Variants in TRIO observed in about 807,000 individuals in gnomAD.
TRIO encodes trio Rho guanine nucleotide exchange factor, also known as triple functional domain protein.
Under a neutral mutation model 351.9 loss-of-function variants are expected in TRIO, and 58 were observed. The ratio of observed to expected loss-of-function variants is 0.16; its 90% CI spans 0.13 to 0.21. The LOEUF (loss-of-function observed/expected upper bound fraction) is 0.21, where lower values mean the gene tolerates loss of function less well. TRIO is among the 10% of genes least tolerant of loss of function. The pLI is 1.00. For synonymous variants in TRIO, 1,758 were observed against 1,595.7 expected (o/e 1.10, Z -2.42); for missense variants, 3,201 against 4,027.8 (o/e 0.79, Z 5.56).
intron 1 of TRIO, among the ~76,000 whole-genome samples, chr5:14,150,951 C>A (rs771884146): frequency 1.3e-5 from 2 of 152,106 alleles, no homozygotes; most frequent in Admixed American, 6.6e-5. Flanking sequence ...ATCTGACTTA[C>A]AATAATCTTT....
intron 34 of TRIO, among the ~76,000 whole-genome samples, chr5:14,450,461 G>T (rs1561504791): frequency 6.6e-6 from 1 of 152,084 alleles, no homozygotes; most frequent in Non-Finnish European, 1.5e-5. Flanking sequence ...TTCTCAGGCG[G>T]CAAAGACCAT....
At chr5:14,372,420 C>G (rs547943635) in intron 18 of TRIO, among the ~76,000 whole-genome samples, 1 of 152,150 alleles carries the variant, frequency 6.6e-6, no homozygotes, top group Non-Finnish European at 1.5e-5. Flanking sequence ...CAGTGCAGTT[C>G]ATCCCTCTGT....
At chr5:14,475,833 G>GT (rs1755034704) in intron 40 of TRIO, among the ~76,000 whole-genome samples, 1 of 96,334 alleles carries the variant, frequency 1.0e-5, no homozygotes, top group Non-Finnish European at 2.5e-5. Context: ...TGTCTGCGCA[G>GT]CGGGGATAGT....
Position 14,487,941 on chromosome 5 carries a change from G to A in TRIO, c.7313G>A (p.Arg2438His), listed in dbSNP as rs1393257693. ...CCAGACGCCCCCGCCAAGGACGCGCGCGCTAGCCTGGGCACCCTGCCGCTT... is the reference window on the plus strand; with the variant it reads ...CCAGACGCCCCCGCCAAGGACGCGCACGCTAGCCTGGGCACCCTGCCGCTT... ...SSPDAPAKDA[R>H]ASLGTLPLGK... Residue 2438 changes from arginine to histidine, a missense_variant, in exon 48 of 57, where the codon CGC (arginine) becomes CAC (histidine). This residue lies in a region of TRIO where 1,089 missense variants were observed against 954.9 expected (regional missense o/e 1.14). Coordinates refer to ENST00000344204, the MANE Select transcript of TRIO (RefSeq NM_007118.4). 6 of 1,545,448 alleles carry A rather than the reference G, an allele frequency of 3.9e-6. No individual in the cohort carries two copies. Among genetic ancestry groups the A allele is most frequent in the East Asian group, 2.4e-5 (1 of 40,934 alleles).
chr5:14,307,492 C>T (rs1738480093), intron 8 of TRIO, among the ~76,000 whole-genome samples: 1 of 152,202 alleles, frequency 6.6e-6, no homozygotes, highest in African/African-American at 2.4e-5. Flanking sequence ...TCTGGTTGCC[C>T]CCAGTTCTCG....
chr5:14,220,018 G>A (rs1484348061), intron 1 of TRIO, among the ~76,000 whole-genome samples: 8 of 145,792 alleles, frequency 5.5e-5, no homozygotes, highest in Middle Eastern at 3.8e-3. Context: ...CAGATACTGC[G>A]GGGTTTTTTT....
At chr5:14,311,385 G>A (rs1474460777) in intron 8 of TRIO, among the ~76,000 whole-genome samples, 1 of 152,188 alleles carries the variant, frequency 6.6e-6, no homozygotes, top group Admixed American at 6.5e-5. Context: ...ATCATCATTT[G>A]GAGGTCCATC....
chr5:14,480,143 T>A, intron 43 of TRIO, 132 bp downstream of exon 43: 1 of 794,120 alleles, frequency 1.3e-6, no homozygotes, highest in Non-Finnish European at 2.0e-6. Context: ...TCTGATAAGT[T>A]AAACCTTAAA....
intron 1 of TRIO, among the ~76,000 whole-genome samples, chr5:14,159,304 T>C (rs1467448645): frequency 7.1e-6 from 1 of 140,494 alleles, no homozygotes; most frequent in Non-Finnish European, 1.5e-5. Flanking sequence ...TGGGTTAACT[T>C]TTCAGGAAAT....
intron 49 of TRIO, among the ~76,000 whole-genome samples, chr5:14,495,495 G>A (rs1000089029): frequency 2.0e-5 from 3 of 151,878 alleles, no homozygotes; most frequent in African/African-American, 7.3e-5. Context: ...AAGGGGAGTG[G>A]TGGCAAATTT....
At chr5:14,180,375 G>A (rs1420801750) in intron 1 of TRIO, among the ~76,000 whole-genome samples, 1 of 152,174 alleles carries the variant, frequency 6.6e-6, no homozygotes, top group Non-Finnish European at 1.5e-5. Context: ...ATAAAACTAT[G>A]CTGAGACTTA....
intron 1 of TRIO, among the ~76,000 whole-genome samples, chr5:14,148,269 T>C (rs567653747): frequency 6.6e-6 from 1 of 152,374 alleles, no homozygotes; most frequent in East Asian, 1.9e-4. Flanking sequence ...ATATGTAATT[T>C]CAGTGGCCTT....
At chr5:14,195,398 G>C (rs922148263) in intron 1 of TRIO, among the ~76,000 whole-genome samples, 1 of 152,166 alleles carries the variant, frequency 6.6e-6, no homozygotes, top group Non-Finnish European at 1.5e-5. Flanking sequence ...GTCAGGCAAG[G>C]TGTTGATATG....
chr5:14,472,789 C>G (rs754211963), intron 39 of TRIO, 131 bp downstream of exon 39: 1 of 959,092 alleles, frequency 1.0e-6, no homozygotes, highest in Non-Finnish European at 1.5e-6. Context: ...AAGTGACCAA[C>G]GATGTATTTC....
At chr5:14,480,064 A>G (rs1481018303) in intron 43 of TRIO, 53 bp downstream of exon 43, 2 of 1,550,474 alleles carry the variant, frequency 1.3e-6, no homozygotes, top group African/African-American at 1.4e-5. Context: ...TGCTGAGAAA[A>G]TAAGACTCAG....
chr5:14,289,604 T>G (rs2152283877), intron 4 of TRIO, among the ~76,000 whole-genome samples: 1 of 152,150 alleles, frequency 6.6e-6, no homozygotes, highest in East Asian at 1.9e-4. Context: ...TCCCAGCACT[T>G]TGGGAGGCTG....
intron 1 of TRIO, among the ~76,000 whole-genome samples, chr5:14,211,787 AAAGTATAAAGAGAAAT>A (rs1791917052): frequency 6.6e-6 from 1 of 151,982 alleles, no homozygotes; most frequent in Non-Finnish European, 1.5e-5. Flanking sequence ...AATGAAATAA[AAAGTATAAAGAGAAAT>A]ATAGTAGATT....
intron 1 of TRIO, among the ~76,000 whole-genome samples, chr5:14,167,809 T>A (rs1488594595): frequency 2.0e-5 from 3 of 152,224 alleles, no homozygotes; most frequent in Admixed American, 2.0e-4. Context: ...CTGGCAGCAT[T>A]CACTAGTCCC....
intron 1 of TRIO, among the ~76,000 whole-genome samples, chr5:14,226,432 T>G (rs1793037285): frequency 6.6e-6 from 1 of 152,174 alleles, no homozygotes. Flanking sequence ...TGAACAAGAC[T>G]TACCCTGAGA....
Sources: gnomAD v4.1 joint callset for allele counts (sites outside exome capture counted in the v4.1 genomes callset) on GRCh38, gnomAD v4.1.1 for gene constraint, gnomAD v4.1.1 regional missense constraint, MANE v1.5 for transcripts, NCBI Gene and HGNC (gene_info 2026-07-23, HGNC 2026-07-21) for gene names.